The following PLCH1 variants were observed in gnomAD, a reference collection of about 807,000 sequenced individuals.
PLCH1 encodes the protein phospholipase C eta 1, also known as 1-phosphatidylinositol 4,5-bisphosphate phosphodiesterase eta-1.
A neutral mutation model predicts 126.7 loss-of-function variants in PLCH1; 60 were observed. That is an observed-to-expected ratio of 0.47 (90% confidence interval 0.38 to 0.59). The LOEUF is 0.59. PLCH1 is among the 20% of genes least tolerant of loss of function. PLCH1 has a pLI of 0.00. For missense variants in PLCH1, 1,723 were observed against 2,040.0 expected (o/e 0.84, Z 2.99); for synonymous variants, 719 against 734.9 (o/e 0.98, Z 0.35).
chr3:155,671,069 C>G (rs1743386558), intron 2 of PLCH1, among the ~76,000 whole-genome samples: 1 of 152,108 alleles, frequency 6.6e-6, no homozygotes, highest in Non-Finnish European at 1.5e-5. Flanking sequence ...TGTATCTTAC[C>G]ACCTCTAACA....
intron 2 of PLCH1, among the ~76,000 whole-genome samples, chr3:155,689,209 C>G (rs1247902243): frequency 6.6e-6 from 1 of 152,180 alleles, no homozygotes; most frequent in East Asian, 1.9e-4. Flanking sequence ...TTATCTAAGA[C>G]CACCAAGGTG....
chr3:155,547,521 C>T (rs963116254), intron 10 of PLCH1, among the ~76,000 whole-genome samples: 2 of 147,956 alleles, frequency 1.4e-5, no homozygotes, highest in Admixed American at 6.7e-5. Context: ...ACCATTTGAC[C>T]CACCAATCCC....
rs550247721 is a variant in PLCH1 at position 155,567,068 on chromosome 3, T to C, written c.865+1163A>G. Among the ~76,000 whole-genome samples the C allele has an allele frequency of 1.8e-3, 268 of 152,208 alleles. 1 individual carries two copies. The highest frequency in any genetic ancestry group is 6.3e-3 in the African/African-American group (262 of 41,544). On this transcript the variant is annotated intron_variant, in intron 7 of 22. Transcript: ENST00000460012. ...AGTTTTTAATGATATAAGATTTTAT[T>C]TTATTTTATTATTTTATTTTTTGAG...
At chr3:155,741,682 C>CTTTTTTTTT (rs1491132149) in intron 1 of PLCH1, among the ~76,000 whole-genome samples, 2 of 83,084 alleles carry the variant, frequency 2.4e-5, no homozygotes, top group African/African-American at 2.0e-4. Context: ...ATTTTATATC[C>CTTTTTTTTT]TCTTTTTTTT....
chr3:155,543,884 G>C (rs1444032233), intron 10 of PLCH1, among the ~76,000 whole-genome samples: 1 of 151,824 alleles, frequency 6.6e-6, no homozygotes, highest in Non-Finnish European at 1.5e-5. Flanking sequence ...AGCTCCTGAA[G>C]GAAGCGCTAA....
At chr3:155,586,011 T>G (rs1287756777) in intron 5 of PLCH1, 54 bp downstream of exon 5, 25 of 1,515,726 alleles carry the variant, frequency 1.6e-5, no homozygotes, top group Non-Finnish European at 2.2e-5. Flanking sequence ...TACCTAAGTA[T>G]GTTAATAACC....
rs1001733876 is a variant in PLCH1, at chr3:155,482,805, T to C, written c.3221A>G (p.Lys1074Arg). ...CAAATGCTGCTTTGGGGAGAGAGAC[T>C]TGCTGGGACAGGGGTTTTCCTGGCA... ...SNCQENPCPS[K>R]SLSPKQHLAP... The change falls in exon 23 of 23, where the codon AAG (lysine) becomes AGG (arginine). Residue 1074 changes from lysine to arginine, a missense_variant. Physicochemically the swap from Lys to Arg is conservative, Grantham distance 26. Around this residue, in one of 2 missense-constraint regions of PLCH1, gnomAD observed 947 missense variants for 977.1 expected, o/e 0.97. Transcript: ENST00000460012. 6.2e-7 allele frequency: 1 copy of C among 1,614,126 alleles called. No individual in the cohort carries two copies. The highest frequency in any genetic ancestry group is 1.3e-5 in the African/African-American group (1 of 75,018).
intron 10 of PLCH1, among the ~76,000 whole-genome samples, chr3:155,542,039 C>A (rs1017762430): frequency 6.6e-6 from 1 of 152,172 alleles, no homozygotes; most frequent in Admixed American, 6.5e-5. Flanking sequence ...GGGCGCAGGA[C>A]AGTGGGTGCA....
intron 2 of PLCH1, among the ~76,000 whole-genome samples, chr3:155,636,160 T>C (rs892428832): frequency 6.6e-6 from 1 of 152,178 alleles, no homozygotes; most frequent in Non-Finnish European, 1.5e-5. Flanking sequence ...CACTTGTTCC[T>C]ACCTACTCCA....
chr3:155,575,467 G>A (rs1013806051), intron 6 of PLCH1, among the ~76,000 whole-genome samples: 2 of 152,074 alleles, frequency 1.3e-5, no homozygotes, highest in East Asian at 1.9e-4. Flanking sequence ...GCTACTACAC[G>A]GGTAATGTAT....
intron 6 of PLCH1, among the ~76,000 whole-genome samples, chr3:155,581,728 T>C (rs1237751223): frequency 6.7e-6 from 1 of 150,250 alleles, no homozygotes; most frequent in South Asian, 2.1e-4. Flanking sequence ...ATAGTGGTTA[T>C]AGTTGCACAA....
At chr3:155,519,707 A>C (rs1173201455) in intron 11 of PLCH1, among the ~76,000 whole-genome samples, 1 of 150,172 alleles carries the variant, frequency 6.7e-6, no homozygotes, top group Non-Finnish European at 1.5e-5. Flanking sequence ...GCTACCCATC[A>C]TTCCAATATG....
intron 1 of PLCH1, among the ~76,000 whole-genome samples, chr3:155,723,058 A>T (rs77427851): frequency 6.6e-6 from 1 of 152,288 alleles, no homozygotes; most frequent in East Asian, 1.9e-4. Context: ...GGAGGATTGT[A>T]TAGTTCCAGG....
intron 2 of PLCH1, among the ~76,000 whole-genome samples, chr3:155,680,480 G>C (rs1334696636): frequency 6.6e-6 from 1 of 152,112 alleles, no homozygotes; most frequent in Admixed American, 6.6e-5. Flanking sequence ...CAAGTATAGG[G>C]TGCAGCTTCG....
At chr3:155,574,561 T>C (rs1282718131) in intron 6 of PLCH1, among the ~76,000 whole-genome samples, 4 of 152,182 alleles carry the variant, frequency 2.6e-5, no homozygotes, top group Non-Finnish European at 5.9e-5. Flanking sequence ...AGGGGGATTG[T>C]CTTTACTGTA....
At chr3:155,577,445 TC>T (rs1177937030) in intron 6 of PLCH1, among the ~76,000 whole-genome samples, 2 of 152,148 alleles carry the variant, frequency 1.3e-5, no homozygotes, top group Admixed American at 6.5e-5. Context: ...ACTATTTCTC[TC>T]TTTTGTATGT....
intron 2 of PLCH1, among the ~76,000 whole-genome samples, chr3:155,616,973 T>C (rs1162983514): frequency 6.6e-6 from 1 of 152,162 alleles, no homozygotes; most frequent in Non-Finnish European, 1.5e-5. Flanking sequence ...ATATTCAGTT[T>C]AATATAATTA....
intron 21 of PLCH1, among the ~76,000 whole-genome samples, chr3:155,455,353 G>A: frequency 6.6e-6 from 1 of 152,206 alleles, no homozygotes; most frequent in South Asian, 2.1e-4. Context: ...GTCCCTACAT[G>A]TGGCATGATT....
intron 6 of PLCH1, among the ~76,000 whole-genome samples, chr3:155,577,165 C>G (rs1730077510): frequency 6.6e-6 from 1 of 151,962 alleles, no homozygotes; most frequent in Non-Finnish European, 1.5e-5. Flanking sequence ...GAGGCTGAGG[C>G]AGGAAGATTG....
Sources: gnomAD v4.1 joint callset for allele counts (sites outside exome capture counted in the v4.1 genomes callset) on GRCh38, gnomAD v4.1.1 for gene constraint, gnomAD v4.1.1 regional missense constraint, MANE v1.5 for transcripts, NCBI Gene and HGNC (gene_info 2026-07-23, HGNC 2026-07-21) for gene names.